HCN1: variants seen among roughly 807,000 people sequenced by gnomAD.
HCN1 encodes the protein potassium/sodium hyperpolarization-activated cyclic nucleotide-gated channel 1.
Under a neutral mutation model 78.9 loss-of-function variants are expected in HCN1, and 13 were observed. The observed-to-expected ratio is 0.16, with a 90% CI of 0.11 to 0.26. The LOEUF (loss-of-function observed/expected upper bound fraction) is 0.26. HCN1 is among the 10% of genes least tolerant of loss of function. The pLI, the probability that HCN1 is intolerant of heterozygous loss-of-function variation, is 1.00. For synonymous variants in HCN1, 552 were observed against 455.5 expected (o/e 1.21, Z -2.70); for missense variants, 810 against 1,154.3 (o/e 0.70, Z 4.32).
intron 2 of HCN1, among the ~76,000 whole-genome samples, chr5:45,630,787 C>T (rs116108877): frequency 0.072 from 10,916 of 152,136 alleles, 573 homozygotes; most frequent in Middle Eastern, 0.15. Flanking sequence ...GCCTCTAAAG[C>T]TGTGATACAT....
chr5:45,546,111 T>C (rs1298794971), intron 2 of HCN1, among the ~76,000 whole-genome samples: 1 of 151,934 alleles, frequency 6.6e-6, no homozygotes, highest in Non-Finnish European at 1.5e-5. Context: ...TGATAGACAT[T>C]TTCTCCTCAA....
intron 6 of HCN1, among the ~76,000 whole-genome samples, chr5:45,301,319 T>A (rs1745614313): frequency 1.3e-5 from 2 of 151,512 alleles, no homozygotes; most frequent in Non-Finnish European, 2.9e-5. Context: ...GGGTTAATAC[T>A]AAAAAATGTA....
At chr5:45,310,263 T>C (rs922086944) in intron 5 of HCN1, among the ~76,000 whole-genome samples, 2 of 152,004 alleles carry the variant, frequency 1.3e-5, no homozygotes, top group African/African-American at 4.8e-5. Flanking sequence ...GTAAACTGTG[T>C]ATCTGACAAA....
At chr5:45,311,651 A>T (rs1203361740) in intron 5 of HCN1, among the ~76,000 whole-genome samples, 1 of 152,208 alleles carries the variant, frequency 6.6e-6, no homozygotes, top group Admixed American at 6.5e-5. Flanking sequence ...GTTGCCCATA[A>T]AAGGAACAGT....
intron 2 of HCN1, among the ~76,000 whole-genome samples, chr5:45,475,011 C>G (rs73101247): frequency 6.6e-6 from 1 of 151,852 alleles, no homozygotes; most frequent in South Asian, 2.1e-4. Flanking sequence ...ACCTGTATAT[C>G]TTTTGAAAAC....
At chr5:45,648,356 T>C (rs1036601259) in intron 1 of HCN1, among the ~76,000 whole-genome samples, 2 of 152,172 alleles carry the variant, frequency 1.3e-5, no homozygotes, top group African/African-American at 2.4e-5. Context: ...TATCACACTA[T>C]AGCTTTTTGC....
chr5:45,297,498 G>T (rs1276793258), intron 6 of HCN1, among the ~76,000 whole-genome samples: 2 of 151,942 alleles, frequency 1.3e-5, no homozygotes, highest in African/African-American at 4.8e-5. Context: ...TAAATCACCA[G>T]GCCCAAAAGT....
intron 6 of HCN1, among the ~76,000 whole-genome samples, chr5:45,277,117 A>G: frequency 6.6e-6 from 1 of 152,224 alleles, no homozygotes; most frequent in South Asian, 2.1e-4. Flanking sequence ...TTATTTTAAG[A>G]AATTAACTTA....
intron 6 of HCN1, among the ~76,000 whole-genome samples, chr5:45,274,275 T>A (rs1461404807): frequency 6.6e-6 from 1 of 152,180 alleles, no homozygotes; most frequent in Non-Finnish European, 1.5e-5. Flanking sequence ...CATGCCCTGT[T>A]ATTTATGGTT....
chr5:45,469,207 T>C (rs1471055568), intron 2 of HCN1, among the ~76,000 whole-genome samples: 3 of 151,894 alleles, frequency 2.0e-5, no homozygotes, highest in African/African-American at 4.8e-5. Context: ...ATGATGACCA[T>C]GTGACAGGTC....
At chr5:45,512,103 C>A (rs1742428246) in intron 2 of HCN1, among the ~76,000 whole-genome samples, 2 of 152,074 alleles carry the variant, frequency 1.3e-5, no homozygotes. Context: ...AACTAGCCAG[C>A]TTTTCTAGCT....
At chr5:45,504,215 A>AG (rs1162270945) in intron 2 of HCN1, among the ~76,000 whole-genome samples, 39 of 152,112 alleles carry the variant, frequency 2.6e-4, no homozygotes, top group Admixed American at 1.2e-3. Context: ...CTCGTCATTT[A>AG]CATTAGGTAT....
chr5:45,356,837 G>C (rs1458526531), intron 4 of HCN1, among the ~76,000 whole-genome samples: 1 of 151,824 alleles, frequency 6.6e-6, no homozygotes, highest in Non-Finnish European at 1.5e-5. Flanking sequence ...CCTATAATTG[G>C]AACTTCCAAA....
chr5:45,658,997 G>C (rs113812262), intron 1 of HCN1, among the ~76,000 whole-genome samples: 1 of 150,188 alleles, frequency 6.7e-6, no homozygotes, highest in Admixed American at 6.6e-5. Context: ...CACCTCTGGG[G>C]GCAGGGCACA....
At chr5:45,352,447 C>G (rs1051321653) in intron 5 of HCN1, among the ~76,000 whole-genome samples, 1 of 151,932 alleles carries the variant, frequency 6.6e-6, no homozygotes, top group Non-Finnish European at 1.5e-5. Context: ...ATGGGTGCAG[C>G]ACACCAGCAT....
At chr5:45,618,032 T>G (rs1479734231) in intron 2 of HCN1, among the ~76,000 whole-genome samples, 5 of 138,182 alleles carry the variant, frequency 3.6e-5, no homozygotes, top group African/African-American at 1.2e-4. Flanking sequence ...CTCATTATAC[T>G]AGAAGAGGCA....
intron 5 of HCN1, among the ~76,000 whole-genome samples, chr5:45,337,212 T>C (rs535615754): frequency 1.3e-4 from 20 of 151,972 alleles, no homozygotes; most frequent in Non-Finnish European, 2.2e-4. Flanking sequence ...TTTAAAAGTT[T>C]TTAAAGTTAT....
chr5:45,608,394 T>TGTGTGTGG (rs1277517715), intron 2 of HCN1, among the ~76,000 whole-genome samples: 4 of 149,810 alleles, frequency 2.7e-5, no homozygotes, highest in East Asian at 2.0e-4. Context: ...TGTGTGTGTA[T>TGTGTGTGG]GTGTGATGTC....
At chr5:45,458,034 G>A (rs1741062674) in intron 3 of HCN1, among the ~76,000 whole-genome samples, 1 of 151,948 alleles carries the variant, frequency 6.6e-6, no homozygotes, top group Admixed American at 6.6e-5. Flanking sequence ...CTTTAATGAG[G>A]AATTTAGAAA....
Sources: gnomAD v4.1 joint callset for allele counts (sites outside exome capture counted in the v4.1 genomes callset) on GRCh38, gnomAD v4.1.1 for gene constraint, MANE v1.5 for transcripts, NCBI Gene and HGNC (gene_info 2026-07-23, HGNC 2026-07-21) for gene names.